STK26: variants seen among roughly 807,000 people sequenced by gnomAD.
STK26 encodes the protein serine/threonine kinase 26.
A neutral mutation model predicts 34.7 loss-of-function variants in STK26; 14 were observed. The observed-to-expected ratio is 0.40, with a 90% confidence interval of 0.27 to 0.63. The LOEUF is 0.63. Ranked by LOEUF, STK26 falls within the 30% of genes least tolerant of loss-of-function variation. The pLI, the probability that STK26 is intolerant of heterozygous loss-of-function variation, is 0.38. For missense variants in STK26, 226 were observed against 309.1 expected, an observed-to-expected ratio of 0.73 and a Z score of 2.02; for synonymous variants, 100 against 109.8, an observed-to-expected ratio of 0.91 and a Z score of 0.56.
rs1035147252 is a variant in STK26, at chrX:132,075,738, C to T, written c.*1579C>T. The T allele has an allele frequency of 9.0e-6, 1 of 111,548 alleles. No individual in the cohort carries two copies. The highest frequency in any genetic ancestry group is 3.2e-5 in the African/African-American group (1 of 30,789). The allele number at this position is 111,548 out of a possible 1,213,427, so 9.2% of individuals were successfully genotyped here. The stretch of plus-strand genomic sequence containing the variant: ...GAAGTCTGGAGATAATTTTGCAACT[C>T]ATGTTATGGGTTAAATGAATATTTT... On this transcript the variant is annotated 3_prime_UTR_variant, in exon 12 of 12. Coordinates refer to ENST00000394334, the MANE Select transcript of STK26 (RefSeq NM_016542.4).
intron 2 of STK26, among the ~76,000 whole-genome samples, chrX:132,026,629 C>T (rs1243591313): frequency 3.6e-5 from 4 of 112,396 alleles, no homozygotes; most frequent in Non-Finnish European, 5.6e-5. Flanking sequence ...TTAGAGCCTA[C>T]AATAGTATTT....
Position 132,055,779 on chromosome X carries a change from C to T in STK26, c.273+918C>T, listed in dbSNP as rs772401813. Reference sequence around the variant, plus strand: ...TGGTTGATCTATAGGCCAAAAAGAGCGTATCTATAACTAATTAAGCTGTTG... The same window carrying T: ...TGGTTGATCTATAGGCCAAAAAGAGTGTATCTATAACTAATTAAGCTGTTG... On this transcript the variant is annotated intron_variant, in intron 3 of 11. Coordinates refer to ENST00000394334, the MANE Select transcript of STK26 (RefSeq NM_016542.4). 2.7e-5 allele frequency among the ~76,000 whole-genome samples: 3 copies of T among 111,972 alleles called. No homozygotes were observed. The Admixed American group carries it at 2.8e-4, about 11-fold the overall frequency.
Position 132,073,065 on chromosome X carries a change from G to A in STK26, c.1198G>A (p.Val400Met). The A allele has an allele frequency of 5.9e-6, 7 of 1,190,174 alleles. No homozygotes were observed. The highest frequency in any genetic ancestry group is 7.9e-6 in the Non-Finnish European group (7 of 886,586). Reference sequence around the variant, plus strand: ...CTGTCCCGGCATCACAGATAAAATGGTGAAGAAACTAATTGAAAAATTTCA... The same window carrying A: ...CTGTCCCGGCATCACAGATAAAATGATGAAGAAACTAATTGAAAAATTTCA... ...AACPGITDKMVKKLIEKFQKC... is the reference protein window; with the variant it reads ...AACPGITDKMMKKLIEKFQKC... The change falls in exon 11 of 12, where the codon GTG becomes ATG. Residue 400 changes from valine to methionine, a missense_variant. Val to Met is a conservative substitution (Grantham distance 21, BLOSUM62 1). Coordinates refer to ENST00000394334, the MANE Select transcript of STK26 (RefSeq NM_016542.4).
chrX:132,039,475 A>G (rs931093521), intron 2 of STK26, among the ~76,000 whole-genome samples: 2 of 111,340 alleles, frequency 1.8e-5, no homozygotes, highest in African/African-American at 6.5e-5. Context: ...AAGTAAAGAG[A>G]TTGCATAGGT....
At chrX:132,069,885 T>C (rs911846499) in intron 7 of STK26, among the ~76,000 whole-genome samples, 7 of 110,680 alleles carry the variant, frequency 6.3e-5, no homozygotes, top group Non-Finnish European at 1.1e-4. Context: ...ATCCTCAGCT[T>C]CCTCCTTATT....
chrX:132,051,105 TGGTTTAAGTATCCAAGAA>T (rs766604355), intron 2 of STK26, among the ~76,000 whole-genome samples: 29 of 112,008 alleles, frequency 2.6e-4, no homozygotes, highest in Middle Eastern at 4.6e-3. Context: ...TCTGTTTCTG[TGGTTTAAGTATCCAAGAA>T]GGCTTCTTCT....
In STK26 at chrX:132,074,147, C is replaced by T. The variant is rs757926287; in HGVS notation, c.1239C>T (p.Asp413=). The T allele has an allele frequency of 1.0e-4, 124 of 1,202,859 alleles. No individual in the cohort carries two copies. Among genetic ancestry groups the T allele is most frequent in the Admixed American group, 4.2e-4 (19 of 45,199 alleles). Residue 413 remains aspartate, a synonymous_variant, in exon 12 of 12, where the codon GAC becomes GAT. Transcript: ENST00000394334. ...AAAAATTTTATAGGTGTTCAGCAGA[C>T]GAATCCCCCTAAGAAACTTATTATT... ...LIEKFQKCSA[D]ESP
At chrX:132,052,764 C>T (rs1926730312) in intron 2 of STK26, among the ~76,000 whole-genome samples, 1 of 111,762 alleles carries the variant, frequency 8.9e-6, no homozygotes, top group African/African-American at 3.3e-5. Flanking sequence ...ACATACACTT[C>T]CCAGAATGTC....
At chrX:132,065,984 A>G (rs1393375333) in intron 4 of STK26, among the ~76,000 whole-genome samples, 3 of 111,771 alleles carry the variant, frequency 2.7e-5, no homozygotes, top group Non-Finnish European at 3.8e-5. Context: ...TTAGGTGTAG[A>G]GGAAGGCTCT....
intron 2 of STK26, among the ~76,000 whole-genome samples, chrX:132,045,473 C>T (rs1223329610): frequency 8.9e-6 from 1 of 112,016 alleles, no homozygotes; most frequent in Non-Finnish European, 1.9e-5. Flanking sequence ...GAATACACCT[C>T]TCTCCCTCAT....
intron 9 of STK26, 151 bp from the exon 10 acceptor site, chrX:132,072,662 T>C (rs1927453754): frequency 1.1e-5 from 6 of 565,841 alleles, no homozygotes; most frequent in Non-Finnish European, 1.7e-5. Context: ...TGAATGAGAA[T>C]GAATGATAGG....
chrX:132,073,245 T>C (rs1927478225), intron 11 of STK26, 152 bp downstream of exon 11: 1 of 610,440 alleles, frequency 1.6e-6, no homozygotes, highest in African/African-American at 2.3e-5. Flanking sequence ...ATAGTTTTTG[T>C]CTGTTGTCTA....
chrX:132,047,725 A>G (rs973546183), intron 2 of STK26, among the ~76,000 whole-genome samples: 1 of 112,067 alleles, frequency 8.9e-6, no homozygotes, highest in Non-Finnish European at 1.9e-5. Context: ...GTAATATGAA[A>G]TATTTGGTAG....
At chrX:132,055,490 A>G (rs1926826413) in intron 3 of STK26, 1 of 1,153,574 alleles carries the variant, frequency 8.7e-7, no homozygotes, top group South Asian at 1.9e-5. Context: ...AAGTTCCAGC[A>G]GATGGAGGTG....
At chrX:132,065,836 A>T (rs1927201700) in intron 4 of STK26, among the ~76,000 whole-genome samples, 1 of 112,151 alleles carries the variant, frequency 8.9e-6, no homozygotes, top group South Asian at 3.7e-4. Flanking sequence ...CTAAAATTCA[A>T]TAATATTGTG....
chrX:132,038,667 A>G (rs1926150626), intron 2 of STK26, among the ~76,000 whole-genome samples: 2 of 110,906 alleles, frequency 1.8e-5, no homozygotes, highest in Non-Finnish European at 3.8e-5. Context: ...TTGAACTGCT[A>G]TTTTGTGGGG....
intron 3 of STK26, among the ~76,000 whole-genome samples, chrX:132,055,924 G>T (rs1011214555): frequency 2.0e-4 from 22 of 112,107 alleles, no homozygotes; most frequent in African/African-American, 7.1e-4. Context: ...TCTTCTGTTT[G>T]ATCAGTTCTG....
chrX:132,029,946 C>A (rs1289253691), intron 2 of STK26, among the ~76,000 whole-genome samples: 1 of 111,611 alleles, frequency 9.0e-6, no homozygotes, highest in Non-Finnish European at 1.9e-5. Context: ...CCATGTATTT[C>A]ACTTTTCTTT....
rs61494612 is a variant in STK26 at position 132,035,832 on chromosome X, T to TACACACACACACAC, written c.42+12204_42+12217dup. ...ACCAGACTTAATAGCTCTGGCTGCA[T>TACACACACACACAC]ACACACACACACACACACACACACA... is the stretch of plus-strand genomic sequence containing the variant. On this transcript the variant is annotated intron_variant, in intron 2 of 11. Transcript: ENST00000394334. Among the ~76,000 whole-genome samples the TACACACACACACAC allele has an allele frequency of 1.4e-3, 107 of 78,207 alleles. 1 individual carries two copies. The highest frequency in any genetic ancestry group is 4.6e-3 in the African/African-American group (94 of 20,314). 67.9% of individuals were successfully genotyped at this position (78,207 alleles called of 115,157 possible). A position where few individuals can be genotyped will look rare whatever the true frequency, so the allele number is the denominator to read the frequency against.
Sources: allele counts gnomAD v4.1 joint callset (sites outside exome capture counted in the v4.1 genomes callset), GRCh38; gene constraint gnomAD v4.1.1; transcripts MANE v1.5; gene names NCBI Gene and HGNC (gene_info 2026-07-23, HGNC 2026-07-21).